The following KIF13B variants were observed in gnomAD, a reference collection of about 807,000 sequenced individuals.
KIF13B encodes the protein kinesin-like protein KIF13B.
In KIF13B, 127 loss-of-function variants were observed where a neutral mutation model predicts 222.0. The observed-to-expected ratio is 0.57, with a 90% CI of 0.50 to 0.66. KIF13B has a LOEUF of 0.66. KIF13B is among the 30% of genes least tolerant of loss of function. The pLI is 0.00. For synonymous variants in KIF13B, 976 were observed against 919.0 expected, an observed-to-expected ratio of 1.06 and a Z score of -1.12; for missense variants, 2,173 against 2,379.0, an observed-to-expected ratio of 0.91 and a Z score of 1.80.
At chr8:29,186,568 C>G in intron 5 of KIF13B, 96 bp from the exon 6 acceptor site, 1 of 951,192 alleles carries the variant, frequency 1.1e-6, no homozygotes, top group Non-Finnish European at 1.6e-6. Context: ...GGCAAAACGC[C>G]AAAATGCAGT....
At chr8:29,190,832 C>T (rs1386054017) in intron 4 of KIF13B, 165 bp downstream of exon 4, 1 of 677,378 alleles carries the variant, frequency 1.5e-6, no homozygotes, top group Admixed American at 2.1e-5. Context: ...ACTCCCCCAA[C>T]ATTTGGTCAC....
chr8:29,223,502 T>C lies in KIF13B; in HGVS notation c.149+21844A>G, dbSNP rs1047296485. Among the ~76,000 whole-genome samples, 4 of 152,204 alleles carry C rather than the reference T, an allele frequency of 2.6e-5. No individual in the cohort carries two copies. The East Asian group carries it at 5.8e-4, about 22-fold the overall frequency. On this transcript the variant is annotated intron_variant, in intron 2 of 39. Transcript: ENST00000524189. ...ACCAAGGGCGAATTTGAATTATGTA[T>C]ATCTAACAATTTAAATGGATAAAAG...
intron 29 of KIF13B, 119 bp downstream of exon 29, chr8:29,122,472 A>C (rs1809915448): frequency 1.3e-6 from 1 of 763,690 alleles, no homozygotes; most frequent in Non-Finnish European, 2.2e-6. Context: ...GACACACGTC[A>C]AACTGGCTCT....
At chr8:29,087,660 C>T (rs999085795) in intron 37 of KIF13B, among the ~76,000 whole-genome samples, 3 of 152,162 alleles carry the variant, frequency 2.0e-5, no homozygotes, top group African/African-American at 4.8e-5. Flanking sequence ...ACCATTTAGA[C>T]GAGAAAGGAA....
chr8:29,122,494 GA>G, intron 29 of KIF13B, 96 bp downstream of exon 29: 1 of 945,644 alleles, frequency 1.1e-6, no homozygotes, highest in South Asian at 1.5e-5. Flanking sequence ...GCCTTAGGGG[GA>G]CAGAATTGCC....
chr8:29,156,026 T>C (rs564386080), intron 13 of KIF13B, among the ~76,000 whole-genome samples, 170 bp from the exon 14 acceptor site: 2 of 152,310 alleles, frequency 1.3e-5, no homozygotes, highest in Middle Eastern at 3.4e-3. Context: ...TGGAAGGCAA[T>C]GGTGCAATCT....
In KIF13B at chr8:29,071,383, G is replaced by T. The variant is rs1327471861; in HGVS notation, c.5218+237C>A. ...GCGGGAACAGCCATGGCGATGGGGG[G>T]ATGGGTACAGGATCTTTGTAGCCAA... On this transcript the variant is annotated intron_variant, in intron 39 of 39. Coordinates refer to ENST00000524189, the MANE Select transcript of KIF13B (RefSeq NM_015254.4). This position sits in a 1 kb window ranked among gnomAD's most constrained non-coding sequence, Gnocchi z 4.9. 2.0e-5 allele frequency among the ~76,000 whole-genome samples: 3 copies of T among 152,116 alleles called. No individual in the cohort carries two copies. The highest frequency in any genetic ancestry group is 4.8e-5 in the African/African-American group (2 of 41,408).
chr8:29,172,304 G>A (rs1191570876), intron 10 of KIF13B, among the ~76,000 whole-genome samples: 1 of 151,486 alleles, frequency 6.6e-6, no homozygotes. Context: ...GGATGGTCTC[G>A]ATCTCCTGAC....
chr8:29,072,143 A>G lies in KIF13B; in HGVS notation c.4695T>C (p.Ser1565=), dbSNP rs757647010. The G allele has an allele frequency of 1.6e-5, 23 of 1,405,562 alleles. No individual in the cohort carries two copies. The highest frequency in any genetic ancestry group is 1.9e-5 in the Non-Finnish European group (20 of 1,078,748). The allele number at this position is 1,405,562 out of a possible 1,614,324, so 87.1% of individuals were successfully genotyped here. A position where few individuals can be genotyped will look rare whatever the true frequency, so the allele number is the denominator to read the frequency against. Residue 1565 remains serine, a synonymous_variant, in exon 39 of 40, where the codon TCT becomes TCC. Transcript: ENST00000524189. ...AGACGCTGTGGGAGAAGTACCCGCT[A>G]GAGGCTTCACTCAGGGGGCTGGGGG... is the stretch of plus-strand genomic sequence containing the variant. ...DGPPSPLSEA[S]SGYFSHSVST...
intron 34 of KIF13B, 115 bp from the exon 35 acceptor site, chr8:29,108,307 G>A (rs1459763042): frequency 2.2e-6 from 2 of 895,224 alleles, no homozygotes; most frequent in African/African-American, 1.7e-5. Flanking sequence ...GGTGGCAGCA[G>A]AGAGGTTGTC....
intron 31 of KIF13B, among the ~76,000 whole-genome samples, chr8:29,114,318 C>T (rs901926654): frequency 6.6e-6 from 1 of 152,226 alleles, no homozygotes; most frequent in African/African-American, 2.4e-5. Flanking sequence ...AGACATACAT[C>T]ATTTCACAAA....
chr8:29,179,976 C>T lies in KIF13B; in HGVS notation c.720+128G>A, dbSNP rs529063714. On this transcript the variant is annotated intron_variant, in intron 8 of 39. Coordinates refer to ENST00000524189, the MANE Select transcript of KIF13B (RefSeq NM_015254.4). ...TTGACCTAGAGGAGCTTCTGTTTCT[C>T]GTCCAGAGTCCTCATTGATACACAA... 1.9e-3 allele frequency: 1,917 copies of T among 1,017,770 alleles called. 24 individuals are homozygous for T. The highest frequency in any genetic ancestry group is 5.6e-4 in the Non-Finnish European group (384 of 682,756). 63.0% of individuals were successfully genotyped at this position (1,017,770 alleles called of 1,614,324 possible).
intron 16 of KIF13B, among the ~76,000 whole-genome samples, chr8:29,148,064 G>A (rs1347951627): frequency 6.6e-6 from 1 of 152,204 alleles, no homozygotes; most frequent in East Asian, 1.9e-4. Flanking sequence ...CAGGCATGGT[G>A]GTGTGCACGC....
Position 29,200,495 on chromosome 8 carries a change from C to T in KIF13B, c.150-4296G>A, listed in dbSNP as rs147629765. ...TTATTTTGAAATACTTTCAGGCTTACAAAAAGCTCCAAAAATAGTACAAAA... is the reference window on the plus strand; with the variant it reads ...TTATTTTGAAATACTTTCAGGCTTATAAAAAGCTCCAAAAATAGTACAAAA... On this transcript the variant is annotated intron_variant, in intron 2 of 39. Coordinates refer to ENST00000524189, the MANE Select transcript of KIF13B (RefSeq NM_015254.4). 1.2e-4 allele frequency among the ~76,000 whole-genome samples: 19 copies of T among 152,284 alleles called. No individual in the cohort carries two copies. The Middle Eastern group carries it at 0.01, about 82-fold the overall frequency.
intron 35 of KIF13B, among the ~76,000 whole-genome samples, chr8:29,103,070 G>GT (rs1808870381): frequency 6.6e-6 from 1 of 151,816 alleles, no homozygotes; most frequent in Non-Finnish European, 1.5e-5. Flanking sequence ...ATGAAACCCC[G>GT]TCTCTACTAA....
At chr8:29,094,256 C>A (rs927249564) in intron 36 of KIF13B, among the ~76,000 whole-genome samples, 1 of 152,046 alleles carries the variant, frequency 6.6e-6, no homozygotes, top group East Asian at 1.9e-4. Context: ...GACAGAATTG[C>A]GTTTCAACAG....
In KIF13B at chr8:29,124,128, A is replaced by T. The variant is rs760856683; in HGVS notation, c.3253-5T>A. 6.4e-7 allele frequency: 1 copy of T among 1,552,622 alleles called. No homozygotes were observed. Among genetic ancestry groups the T allele is most frequent in the Non-Finnish European group, 8.9e-7 (1 of 1,125,376 alleles). On this transcript the variant is annotated splice_region_variant and splice_polypyrimidine_tract_variant and intron_variant, in intron 26 of 39. Transcript: ENST00000524189. ...AAGTCTCTCTAAATCTCGATCCTGGAAGCAAGCAAGGAAAATCATATTCAA... is the reference window on the plus strand; with the variant it reads ...AAGTCTCTCTAAATCTCGATCCTGGTAGCAAGCAAGGAAAATCATATTCAA...
At position 29,243,459 on chromosome 8, in the gene KIF13B, C is replaced by T. The variant is rs182002433; in HGVS notation, c.149+1887G>A. On this transcript the variant is annotated intron_variant, in intron 2 of 39. Coordinates refer to ENST00000524189, the MANE Select transcript of KIF13B (RefSeq NM_015254.4). Reference sequence around the variant, plus strand: ...ATCACTTGAGGTCAGGAGTTTGAGACCAGGCTGGCCAACATGGCAAAACTC... The same window carrying T: ...ATCACTTGAGGTCAGGAGTTTGAGATCAGGCTGGCCAACATGGCAAAACTC... Among the ~76,000 whole-genome samples the T allele has an allele frequency of 1.7e-3, 251 of 152,106 alleles. 1 individual carries two copies. Among genetic ancestry groups the T allele is most frequent in the African/African-American group, 5.6e-3 (232 of 41,486 alleles).
At chr8:29,203,892 C>CAAAAAAAAAA (rs11432771) in intron 2 of KIF13B, among the ~76,000 whole-genome samples, 2 of 66,168 alleles carry the variant, frequency 3.0e-5, no homozygotes, top group African/African-American at 1.3e-4. Flanking sequence ...AGTTCCGTCT[C>CAAAAAAAAAA]AAAAAAAAAA....
Sources: allele counts gnomAD v4.1 joint callset (sites outside exome capture counted in the v4.1 genomes callset), GRCh38; gene constraint gnomAD v4.1.1; non-coding constraint Gnocchi (gnomAD v3.1); transcripts MANE v1.5; gene names NCBI Gene and HGNC (gene_info 2026-07-23, HGNC 2026-07-21).